SLC13A3: variants seen among roughly 807,000 people sequenced by gnomAD.
SLC13A3 encodes solute carrier family 13 member 3.
A neutral mutation model predicts 59.0 loss-of-function variants in SLC13A3; 40 were observed. The ratio of observed to expected loss-of-function variants is 0.68; its 90% CI spans 0.53 to 0.88. SLC13A3 has a LOEUF of 0.88. Ranked by LOEUF, SLC13A3 falls within the 40% of genes least tolerant of loss-of-function variation. The probability of loss-of-function intolerance (pLI) is 0.00; values close to 1 mark genes in which losing one functional copy is unlikely to be tolerated. For synonymous variants in SLC13A3, 317 were observed against 330.3 expected, an observed-to-expected ratio of 0.96 and a Z score of 0.44; for missense variants, 699 against 783.2, an observed-to-expected ratio of 0.89 and a Z score of 1.28.
intron 1 of SLC13A3, among the ~76,000 whole-genome samples, chr20:46,647,924 T>G (rs918476392): frequency 6.6e-6 from 1 of 152,260 alleles, no homozygotes; most frequent in African/African-American, 2.4e-5. Context: ...ATCTGCAGTT[T>G]CGCAAGTTGT....
intron 7 of SLC13A3, among the ~76,000 whole-genome samples, chr20:46,588,639 G>A (rs1177743931): frequency 1.3e-5 from 2 of 152,124 alleles, no homozygotes; most frequent in East Asian, 3.9e-4. Context: ...GACCTGGAGA[G>A]AGGGTGGATG....
chr20:46,663,428 G>A (rs1254809157), intron 1 of SLC13A3, among the ~76,000 whole-genome samples: 1 of 149,350 alleles, frequency 6.7e-6, no homozygotes. Context: ...CTGGGTGACA[G>A]ATCGAGACCC....
chr20:46,614,535 G>A (rs1187397081), intron 1 of SLC13A3, among the ~76,000 whole-genome samples: 2 of 152,178 alleles, frequency 1.3e-5, no homozygotes, highest in African/African-American at 4.8e-5. Context: ...TTGGGACAGG[G>A]AGCAACTGCC....
intron 1 of SLC13A3, among the ~76,000 whole-genome samples, chr20:46,641,343 G>A (rs903557116): frequency 2.6e-5 from 4 of 152,146 alleles, no homozygotes; most frequent in African/African-American, 7.2e-5. Context: ...CTGCCATAGA[G>A]CACACTATAA....
At chr20:46,652,724 A>G (rs1452778076), upstream of SLC13A3, among the ~76,000 whole-genome samples, 2 of 151,532 alleles carry the variant, frequency 1.3e-5, no homozygotes, top group East Asian at 3.9e-4. Context: ...AAGGGGGGTG[A>G]GTCACTTCTA....
chr20:46,584,108 A>G, intron 8 of SLC13A3: 1 of 985,348 alleles, frequency 1.0e-6, no homozygotes, highest in Non-Finnish European at 1.2e-6. Flanking sequence ...CACCAGTGGA[A>G]CCCAGATTGA....
intron 2 of SLC13A3, among the ~76,000 whole-genome samples, chr20:46,612,048 AT>A (rs2062500481): frequency 1.4e-5 from 2 of 146,874 alleles, no homozygotes. Flanking sequence ...CCAAAAAAAA[AT>A]CCCTGACATT....
At chr20:46,608,712 A>T in intron 3 of SLC13A3, 1 of 783,430 alleles carries the variant, frequency 1.3e-6, no homozygotes, top group Non-Finnish European at 1.9e-6. Context: ...ATCAACATTT[A>T]AGTTTTAACA....
chr20:46,615,003 G>T (rs554165432), intron 1 of SLC13A3, among the ~76,000 whole-genome samples: 4 of 152,252 alleles, frequency 2.6e-5, no homozygotes, highest in African/African-American at 9.6e-5. Context: ...AGCTACATTG[G>T]TGTGCACATT....
intron 1 of SLC13A3, among the ~76,000 whole-genome samples, chr20:46,678,668 G>A (rs1316090369): frequency 6.6e-6 from 1 of 152,192 alleles, no homozygotes; most frequent in East Asian, 1.9e-4. Flanking sequence ...TCACCTTCTA[G>A]GAGAAGCAAA....
intron 1 of SLC13A3, among the ~76,000 whole-genome samples, chr20:46,618,813 A>C (rs1423163362): frequency 6.6e-6 from 1 of 152,202 alleles, no homozygotes; most frequent in African/African-American, 2.4e-5. Flanking sequence ...TTCAGTGCCC[A>C]TCATTCCTGT....
At chr20:46,649,268 T>C (rs1428048252) in intron 1 of SLC13A3, among the ~76,000 whole-genome samples, 1 of 152,140 alleles carries the variant, frequency 6.6e-6, no homozygotes, top group African/African-American at 2.4e-5. Context: ...TTCCATTCAG[T>C]TGTGCATGTT....
intron 1 of SLC13A3, among the ~76,000 whole-genome samples, chr20:46,628,509 G>A (rs1318009136): frequency 5.3e-5 from 8 of 152,160 alleles, no homozygotes; most frequent in Non-Finnish European, 1.2e-4. Context: ...AGGTGCCACA[G>A]GGAAGGAGGC....
rs572231357 is a variant in SLC13A3, at chr20:46,642,256, C to T, written c.111+9055G>A. Among the ~76,000 whole-genome samples, 7 of 152,314 alleles carry T rather than the reference C, an allele frequency of 4.6e-5. No homozygotes were observed. The South Asian group carries it at 8.3e-4, about 18-fold the overall frequency. ...TACCATTAAAACAGACACAAGGGGACAGGTGGGCAGGAGCTGGATGACACA... is the reference window on the plus strand; with the variant it reads ...TACCATTAAAACAGACACAAGGGGATAGGTGGGCAGGAGCTGGATGACACA... On this transcript the variant is annotated intron_variant, in intron 1 of 12. Transcript: ENST00000279027.
At chr20:46,643,609 A>G (rs6017957) in intron 1 of SLC13A3, among the ~76,000 whole-genome samples, 6,056 of 152,302 alleles carry the variant, frequency 0.04, 367 homozygotes, top group African/African-American at 0.13. Context: ...TAATAAACAT[A>G]CAGTAAACAT....
chr20:46,628,586 G>T (rs1255048359), intron 1 of SLC13A3, among the ~76,000 whole-genome samples: 2 of 152,314 alleles, frequency 1.3e-5, no homozygotes, highest in East Asian at 3.9e-4. Context: ...GATGAGGTTG[G>T]GAGGATGGCT....
intron 1 of SLC13A3, among the ~76,000 whole-genome samples, chr20:46,664,544 G>A (rs768221155): frequency 1.3e-5 from 2 of 152,098 alleles, no homozygotes; most frequent in Non-Finnish European, 2.9e-5. Context: ...ATACACTAAT[G>A]AATAAGACTA....
In SLC13A3 at chr20:46,560,146, G is replaced by A; in HGVS notation, c.1685C>T (p.Ala562Val). ...GATGGTCTGTGCCCAGGTATTCATA[G>A]CCAAACTGAGCAGCAGGACACCCAT... ...NLMGVLLLSL[A>V]MNTWAQTIFQ... Residue 562 changes from alanine (A) to valine (V), a missense_variant, in exon 13 of 13, where the codon GCT becomes GTT. Transcript: ENST00000279027. 1 of 1,614,180 alleles carries A rather than the reference G, an allele frequency of 6.2e-7. No individual in the cohort carries two copies. Among genetic ancestry groups the A allele is most frequent in the South Asian group, 1.1e-5 (1 of 91,074 alleles).
intron 1 of SLC13A3, among the ~76,000 whole-genome samples, chr20:46,648,447 G>A (rs1002578963): frequency 1.3e-5 from 2 of 152,142 alleles, no homozygotes; most frequent in Non-Finnish European, 2.9e-5. Context: ...TGAGGGAGGC[G>A]AAGGTCCTCC....
Sources: gnomAD v4.1 joint callset for allele counts (sites outside exome capture counted in the v4.1 genomes callset) on GRCh38, gnomAD v4.1.1 for gene constraint, MANE v1.5 for transcripts, NCBI Gene and HGNC (gene_info 2026-07-23, HGNC 2026-07-21) for gene names.